Variants in NXF1 observed in about 807,000 individuals in gnomAD.
The protein encoded by NXF1 is nuclear RNA export factor 1.
In NXF1, 43 loss-of-function variants were observed where a neutral mutation model predicts 92.4. The observed-to-expected ratio is 0.47, with a 90% CI of 0.36 to 0.60. The LOEUF is 0.60. Among genes scored for constraint, NXF1 ranks in the 20% least tolerant of loss-of-function variants. The pLI, the probability that NXF1 is intolerant of heterozygous loss-of-function variation, is 0.00. For synonymous variants in NXF1, 288 were observed against 292.2 expected, an observed-to-expected ratio of 0.99 and a Z score of 0.15; for missense variants, 576 against 793.0, an observed-to-expected ratio of 0.73 and a Z score of 3.29.
Position 62,801,173 on chromosome 11 carries a change from C to T in NXF1, c.827G>A (p.Arg276Lys), listed in dbSNP as rs1468810214. 3 of 1,614,220 alleles carry T rather than the reference C, an allele frequency of 1.9e-6. No individual in the cohort carries two copies. The highest frequency in any genetic ancestry group is 2.5e-6 in the Non-Finnish European group (3 of 1,180,044). Residue 276 changes from arginine to lysine, a missense_variant, in exon 9 of 21, where the codon AGG (arginine) becomes AAG (lysine). Around this residue, in one of 2 missense-constraint regions of NXF1, gnomAD observed 425 missense variants for 635.2 expected, o/e 0.67. Transcript: ENST00000294172. ...ELLSLNLSNN[R>K]LYRLDDMSSI... is the part of the protein sequence containing the mutation. ...AGACATGTCATCCAGCCTGTACAGC[C>T]TGTTGTTGCTCAAGTTCAAGGACAA...
chr11:62,794,929 A>G lies in NXF1; in HGVS notation c.1577+6T>C. 6.2e-7 allele frequency: 1 copy of G among 1,614,036 alleles called. No individual in the cohort carries two copies. The highest frequency in any genetic ancestry group is 8.5e-7 in the Non-Finnish European group (1 of 1,179,868). ...TGGTATCCAATGCGAAAAGCAGAATACTTACCCTGAATTGCTAGCAGGAAC... is the reference window on the plus strand; with the variant it reads ...TGGTATCCAATGCGAAAAGCAGAATGCTTACCCTGAATTGCTAGCAGGAAC... On this transcript the variant is annotated splice_donor_region_variant and intron_variant, in intron 18 of 20. Coordinates refer to ENST00000294172, the MANE Select transcript of NXF1 (RefSeq NM_006362.5).
At position 62,803,428 on chromosome 11, in the gene NXF1, G is replaced by C; in HGVS notation, c.360C>G (p.Phe120Leu). Residue 120 changes from phenylalanine (F) to leucine (L), a missense_variant, in exon 3 of 21, where the codon TTC becomes TTG. Transcript: ENST00000294172. Reference protein sequence around the residue: ...TSQDGTSKNWFKITIPYGRKY... With the variant: ...TSQDGTSKNWLKITIPYGRKY... ...TTCTCAAAGTACTCACTGTAATCTT[G>C]AACCAGTTCTTTGAGGTCCCATCCT... 1 of 1,613,730 alleles carries C rather than the reference G, an allele frequency of 6.2e-7. No homozygotes were observed. The highest frequency in any genetic ancestry group is 8.5e-7 in the Non-Finnish European group (1 of 1,179,952).
intron 11 of NXF1, 80 bp from the exon 12 acceptor site, chr11:62,797,466 G>A (rs1465332577): frequency 8.0e-5 from 101 of 1,263,804 alleles, no homozygotes; most frequent in Admixed American, 3.1e-4. Context: ...TTGGGAGGCC[G>A]AGGCAGGCAG....
At position 62,805,406 on chromosome 11, in the gene NXF1, A is replaced by G; in HGVS notation, c.-50T>C. 3 of 1,607,044 alleles carry G rather than the reference A, an allele frequency of 1.9e-6. No homozygotes were observed. Among genetic ancestry groups the G allele is most frequent in the South Asian group, 1.1e-5 (1 of 89,554 alleles). ...CTCAGGCGCTGGCCGCTACGCCGGCAAACAACCTAACTCCCAAGCGCTCAG... is the reference window on the plus strand; with the variant it reads ...CTCAGGCGCTGGCCGCTACGCCGGCGAACAACCTAACTCCCAAGCGCTCAG... On this transcript the variant is annotated 5_prime_UTR_variant, in exon 1 of 21. Coordinates refer to ENST00000294172, the MANE Select transcript of NXF1 (RefSeq NM_006362.5).
At chr11:62,802,282 A>G (rs758366032) in intron 3 of NXF1, 22 bp from the exon 4 acceptor site, 1 of 1,602,146 alleles carries the variant, frequency 6.2e-7, no homozygotes, top group South Asian at 1.1e-5. Context: ...AGAAAGAGAA[A>G]AGAAGGGAAT....
intron 19 of NXF1, 77 bp downstream of exon 19, chr11:62,794,181 A>G: frequency 1.4e-6 from 2 of 1,433,654 alleles, no homozygotes. Context: ...AAAAACAAAA[A>G]AACTGTCAGG....
rs2084374088 is a variant in NXF1 at position 62,792,422 on chromosome 11, G to A, written c.*54C>T. On this transcript the variant is annotated 3_prime_UTR_variant, in exon 21 of 21. Coordinates refer to ENST00000294172, the MANE Select transcript of NXF1 (RefSeq NM_006362.5). ...AGGAGATGACAGACGACAACCAGAC[G>A]GTAATATCCAAGGACTATTTACAGG... 2 of 1,604,388 alleles carry A rather than the reference G, an allele frequency of 1.2e-6. No individual in the cohort carries two copies. The highest frequency in any genetic ancestry group is 1.7e-5 in the Admixed American group (1 of 59,990).
intron 19 of NXF1, among the ~76,000 whole-genome samples, chr11:62,793,841 A>AC (rs1296228953): frequency 6.0e-5 from 9 of 150,468 alleles, no homozygotes; most frequent in African/African-American, 2.2e-4. Context: ...AAAAAAAAAA[A>AC]AATACAAAAA....
In NXF1 at chr11:62,801,372, C is replaced by T. The variant is rs1454711357; in HGVS notation, c.755G>A (p.Cys252Tyr). ...AATGATCCTCAGGGTAGCTGCCATA[C>T]AGCTTCTGCGATTCAGGACAACGTC... ...NIDVVLNRRS[C>Y]MAATLRIIEE... Residue 252 changes from cysteine (C) to tyrosine (Y), a missense_variant, in exon 8 of 21, where the codon TGT becomes TAT. By Grantham distance (194) the Cys-to-Tyr change is radical. Transcript: ENST00000294172. 1 of 1,614,184 alleles carries T rather than the reference C, an allele frequency of 6.2e-7. No homozygotes were observed. The highest frequency in any genetic ancestry group is 2.2e-5 in the East Asian group (1 of 44,886).
intron 6 of NXF1, 30 bp from the exon 7 acceptor site, chr11:62,801,661 C>T: frequency 6.2e-7 from 1 of 1,612,734 alleles, no homozygotes; most frequent in Non-Finnish European, 8.5e-7. Context: ...TTAGTGGTCA[C>T]TGGGTTTGTG....
chr11:62,805,274 C>G, intron 1 of NXF1, 55 bp downstream of exon 1: 1 of 1,568,604 alleles, frequency 6.4e-7, no homozygotes, highest in Non-Finnish European at 8.6e-7. Context: ...CCTAGGCCGG[C>G]GCCGCCCACC....
intron 10 of NXF1, chr11:62,798,982 G>C (rs531091721): frequency 9.8e-7 from 1 of 1,021,740 alleles, no homozygotes; most frequent in South Asian, 4.1e-5. Context: ...TCTGGCTTTG[G>C]CCAAGACCCA....
intron 9 of NXF1, among the ~76,000 whole-genome samples, 183 bp from the exon 10 acceptor site, chr11:62,800,669 C>T (rs371322198): frequency 1.2e-4 from 18 of 150,154 alleles, no homozygotes; most frequent in South Asian, 6.3e-4. Context: ...GTGGCATGAT[C>T]ATAGTTCACT....
chr11:62,803,248 G>A (rs940219708), intron 3 of NXF1, among the ~76,000 whole-genome samples, 171 bp downstream of exon 3: 20 of 152,116 alleles, frequency 1.3e-4, no homozygotes, highest in African/African-American at 4.6e-4. Flanking sequence ...CCCGGGAGGC[G>A]GAGGCTGCAG....
At chr11:62,796,949 C>T in intron 13 of NXF1, 1 of 578,712 alleles carries the variant, frequency 1.7e-6, no homozygotes, top group Non-Finnish European at 3.1e-6. Context: ...CACCTGTAGT[C>T]CCAGCTACTG....
At chr11:62,803,623 C>G in intron 2 of NXF1, 51 bp from the exon 3 acceptor site, 1 of 1,606,258 alleles carries the variant, frequency 6.2e-7, no homozygotes, top group Non-Finnish European at 8.5e-7. Flanking sequence ...AAAGTCTTCT[C>G]AAAGGCCTTC....
rs1370681801 is a variant in NXF1 at position 62,796,189 on chromosome 11, T to A, written c.1346-8A>T. 2 of 1,613,966 alleles carry A rather than the reference T, an allele frequency of 1.2e-6. No homozygotes were observed. Among genetic ancestry groups the A allele is most frequent in the South Asian group, 1.1e-5 (1 of 91,064 alleles). On this transcript the variant is annotated splice_region_variant and splice_polypyrimidine_tract_variant and intron_variant, in intron 15 of 20. Transcript: ENST00000294172. ...GCAGCCGGAACCGCAAGGCTGTGGGTAGAGGAGAAAGCTCAGTGGTGCTGC... is the reference window on the plus strand; with the variant it reads ...GCAGCCGGAACCGCAAGGCTGTGGGAAGAGGAGAAAGCTCAGTGGTGCTGC...
intron 10 of NXF1, chr11:62,799,257 C>G: frequency 1.0e-6 from 1 of 985,560 alleles, no homozygotes; most frequent in Non-Finnish European, 1.2e-6. Flanking sequence ...TGACACAGCC[C>G]TTTCTTTCAG....
chr11:62,797,403 A>C lies in NXF1; in HGVS notation c.1054-17T>G. The C allele has an allele frequency of 6.2e-7, 1 of 1,611,326 alleles. No homozygotes were observed. Among genetic ancestry groups the C allele is most frequent in the Non-Finnish European group, 8.5e-7 (1 of 1,179,370 alleles). The stretch of plus-strand genomic sequence containing the variant: ...ATGGCCATCCTGTGGAAAGGAAGTA[A>C]AAGTTGACAGTGTAGACTGGGCCCA... On this transcript the variant is annotated splice_polypyrimidine_tract_variant and intron_variant, in intron 11 of 20. Transcript: ENST00000294172.
Sources: allele counts gnomAD v4.1 joint callset (sites outside exome capture counted in the v4.1 genomes callset), GRCh38; gene constraint gnomAD v4.1.1; regional missense constraint gnomAD v4.1.1; transcripts MANE v1.5; gene names NCBI Gene and HGNC (gene_info 2026-07-23, HGNC 2026-07-21).